The following SRGAP2B variants were observed in gnomAD, a reference collection of about 807,000 sequenced individuals.
SRGAP2B encodes SLIT-ROBO Rho GTPase activating protein 2B.
SRGAP2B carries 9 observed loss-of-function variants against 22.2 expected under a neutral mutation model. That is an observed-to-expected ratio of 0.41 (90% confidence interval 0.24 to 0.71). The LOEUF (loss-of-function observed/expected upper bound fraction) is 0.71. Among genes scored for constraint, SRGAP2B ranks in the 30% least tolerant of loss-of-function variants. The pLI is 0.35. For missense variants in SRGAP2B, 114 were observed against 235.8 expected, an observed-to-expected ratio of 0.48 and a Z score of 3.38; for synonymous variants, 36 against 87.4, an observed-to-expected ratio of 0.41 and a Z score of 3.28.
At chr1:144,934,320 C>T (rs1443250227) in intron 4 of SRGAP2B, among the ~76,000 whole-genome samples, 2 of 144,696 alleles carry the variant, frequency 1.4e-5, no homozygotes, top group Non-Finnish European at 3.0e-5. Flanking sequence ...AAGAGAATCA[C>T]TTGAACCTGG....
intron 3 of SRGAP2B, among the ~76,000 whole-genome samples, chr1:144,971,622 A>G (rs1553613300): frequency 6.6e-6 from 1 of 150,894 alleles, no homozygotes; most frequent in Non-Finnish European, 1.5e-5. Flanking sequence ...CTATTAATTT[A>G]TCATCTGATT....
intron 4 of SRGAP2B, among the ~76,000 whole-genome samples, chr1:144,915,859 A>G (rs1207211884): frequency 6.6e-6 from 1 of 150,404 alleles, no homozygotes; most frequent in Non-Finnish European, 1.5e-5. Context: ...ATTGAGAGGG[A>G]AAGCCCTTGT....
intron 4 of SRGAP2B, among the ~76,000 whole-genome samples, chr1:144,923,880 TAAG>T (rs1664442598): frequency 1.3e-5 from 1 of 75,528 alleles, no homozygotes; most frequent in African/African-American, 6.2e-5. Context: ...TAAATACTTT[TAAG>T]AAAGAGGAAC....
rs187395466 is a variant in SRGAP2B, at chr1:144,992,177, A to T, written c.260+2831T>A. On this transcript the variant is annotated intron_variant, in intron 3 of 9. Transcript: ENST00000612199. Reference sequence around the variant, plus strand: ...GCAGCTTCACTCCTGAGCCAGTGAGACCACGAACCCACCAGAAGGAAGAAA... The same window carrying T: ...GCAGCTTCACTCCTGAGCCAGTGAGTCCACGAACCCACCAGAAGGAAGAAA... 6.7e-3 allele frequency among the ~76,000 whole-genome samples: 1,015 copies of T among 150,508 alleles called. 57 individuals are homozygous for T. The highest frequency in any genetic ancestry group is 0.062 in the Admixed American group (945 of 15,128).
At chr1:145,031,691 C>CA (rs1206335587) in intron 2 of SRGAP2B, among the ~76,000 whole-genome samples, 1 of 143,882 alleles carries the variant, frequency 7.0e-6, no homozygotes, top group East Asian at 2.0e-4. Flanking sequence ...ACTAAAAATA[C>CA]AAAAAATTAG....
rs1291632548 is a variant in SRGAP2B, at chr1:144,968,766, CCTT to C, written c.261-13168_261-13166del. Among the ~76,000 whole-genome samples the C allele has an allele frequency of 3.8e-5, 4 of 105,412 alleles. No individual in the cohort carries two copies. In the East Asian group the frequency reaches 1.2e-3, roughly 31 times the overall value. The allele number at this position is 105,412 out of a possible 152,430, so 69.2% of individuals were successfully genotyped here. On this transcript the variant is annotated intron_variant, in intron 3 of 9. Coordinates refer to ENST00000612199, the Ensembl canonical transcript of SRGAP2B. ...ACCCCATCGTCTCAGCCCAAAATCT[CCTT>C]AAGCTGATAAGCAACTTCAGCAAAG...
Position 144,943,248 on chromosome 1 carries a change from C to A in SRGAP2B, c.423+12191G>T, listed in dbSNP as rs1331827511. Among the ~76,000 whole-genome samples the A allele has an allele frequency of 1.1e-4, 15 of 141,206 alleles. No individual in the cohort carries two copies. In the Admixed American group the frequency reaches 1.1e-3, roughly 10 times the overall value. The allele number at this position is 141,206 out of a possible 152,430, so 92.6% of individuals were successfully genotyped here. On this transcript the variant is annotated intron_variant, in intron 4 of 9. Transcript: ENST00000612199. ...ACTAGATTAAAGTACACTTAAGGGA[C>A]ATAAAACTGTGTGCATTAGATACTG...
chr1:145,085,074 C>G (rs587718331), intron 2 of SRGAP2B, among the ~76,000 whole-genome samples: 29 of 151,626 alleles, frequency 1.9e-4, no homozygotes, highest in Non-Finnish European at 3.8e-4. Context: ...TCCTGAGTAG[C>G]TGGGATTACA....
chr1:145,003,051 AC>A (rs1296255701), intron 2 of SRGAP2B, among the ~76,000 whole-genome samples: 1 of 151,562 alleles, frequency 6.6e-6, no homozygotes, highest in African/African-American at 2.4e-5. Flanking sequence ...ACATGGTAAA[AC>A]CCCATCACTA....
At chr1:144,932,585 T>C (rs1169421390) in intron 4 of SRGAP2B, among the ~76,000 whole-genome samples, 6 of 146,150 alleles carry the variant, frequency 4.1e-5, no homozygotes, top group African/African-American at 1.6e-4. Context: ...TTTTTATAAT[T>C]TTTAGTTAAC....
intron 4 of SRGAP2B, among the ~76,000 whole-genome samples, chr1:144,940,799 C>CAAA (rs71249180): frequency 6.0e-5 from 5 of 83,404 alleles, no homozygotes; most frequent in South Asian, 3.8e-4. Context: ...ACTCCATCTC[C>CAAA]AAAAAAAAAA....
rs1282364062 is a variant in SRGAP2B at position 144,966,966 on chromosome 1, T to A, written c.261-11365A>T. Among the ~76,000 whole-genome samples, 4 of 136,294 alleles carry A rather than the reference T, an allele frequency of 2.9e-5. No individual in the cohort carries two copies. In the East Asian group the frequency reaches 8.3e-4, roughly 28 times the overall value. 89.4% of individuals were successfully genotyped at this position (136,294 alleles called of 152,430 possible). A position where few individuals can be genotyped will look rare whatever the true frequency, so the allele number is the denominator to read the frequency against. On this transcript the variant is annotated intron_variant, in intron 3 of 9. Transcript: ENST00000612199. ...CTATCCTAAATATATATGCACCCAATACAGGAGCACCCAGATTCATAAAGC... is the reference window on the plus strand; with the variant it reads ...CTATCCTAAATATATATGCACCCAAAACAGGAGCACCCAGATTCATAAAGC...
intron 3 of SRGAP2B, among the ~76,000 whole-genome samples, chr1:144,965,748 T>C (rs1211583446): frequency 7.2e-6 from 1 of 138,478 alleles, no homozygotes; most frequent in Non-Finnish European, 1.5e-5. Context: ...TTGAAAAAAA[T>C]TTAGAAGAAT....
chr1:145,062,625 GCTTCT>G (rs1242015102), intron 2 of SRGAP2B, among the ~76,000 whole-genome samples: 5 of 151,468 alleles, frequency 3.3e-5, no homozygotes, highest in African/African-American at 1.2e-4. Flanking sequence ...AACATCATTA[GCTTCT>G]TACCAGTGTT....
At chr1:145,001,990 C>A (rs1448301793) in intron 2 of SRGAP2B, among the ~76,000 whole-genome samples, 1 of 142,382 alleles carries the variant, frequency 7.0e-6, no homozygotes, top group Non-Finnish European at 1.5e-5. Flanking sequence ...CCACTATACT[C>A]CAGCCTGGGT....
intron 2 of SRGAP2B, among the ~76,000 whole-genome samples, chr1:145,009,040 G>C (rs1190998761): frequency 6.8e-6 from 1 of 147,282 alleles, no homozygotes; most frequent in African/African-American, 2.6e-5. Context: ...AGCTGGGCGT[G>C]GTGGCGGGCG....
intron 3 of SRGAP2B, among the ~76,000 whole-genome samples, chr1:144,993,854 G>A (rs1370571759): frequency 1.3e-5 from 2 of 149,590 alleles, no homozygotes. Context: ...GGAATGGAGA[G>A]AAACTGTAGA....
At chr1:144,972,075 C>T (rs1350476430) in intron 3 of SRGAP2B, among the ~76,000 whole-genome samples, 1 of 149,712 alleles carries the variant, frequency 6.7e-6, no homozygotes, top group Non-Finnish European at 1.5e-5. Context: ...AAAACTGCTG[C>T]TGCCTAACGG....
chr1:144,924,964 T>C (rs1167226886), intron 4 of SRGAP2B, among the ~76,000 whole-genome samples: 9 of 148,980 alleles, frequency 6.0e-5, no homozygotes, highest in Admixed American at 1.3e-4. Flanking sequence ...TTATTAAGTA[T>C]ATATTTCTTC....
Sources: gnomAD v4.1 joint callset for allele counts (sites outside exome capture counted in the v4.1 genomes callset) on GRCh38, gnomAD v4.1.1 for gene constraint, MANE v1.5 for transcripts, NCBI Gene and HGNC (gene_info 2026-07-23, HGNC 2026-07-21) for gene names.